The following SCFD2 variants were observed in gnomAD, a reference collection of about 807,000 sequenced individuals.
SCFD2 encodes the protein sec1 family domain-containing protein 2.
SCFD2 carries 54 observed loss-of-function variants against 58.9 expected under a neutral mutation model. The observed-to-expected ratio is 0.92, with a 90% CI of 0.74 to 1.15. SCFD2 has a LOEUF of 1.15. Among genes scored for constraint, SCFD2 ranks in the 50% most tolerant of loss-of-function variants. The probability of loss-of-function intolerance (pLI) is 0.00; values close to 1 mark genes in which losing one functional copy is unlikely to be tolerated. For synonymous variants in SCFD2, 321 were observed against 335.9 expected, an observed-to-expected ratio of 0.96 and a Z score of 0.49; for missense variants, 805 against 836.6, an observed-to-expected ratio of 0.96 and a Z score of 0.47.
At chr4:53,239,077 C>G (rs1211212344) in intron 4 of SCFD2, among the ~76,000 whole-genome samples, 15 of 149,672 alleles carry the variant, frequency 1.0e-4, no homozygotes, top group African/African-American at 3.7e-4. Context: ...CACCATTGAG[C>G]ACTGAGTGAA....
intron 5 of SCFD2, among the ~76,000 whole-genome samples, chr4:53,071,281 G>C (rs1296910503): frequency 6.6e-6 from 1 of 152,108 alleles, no homozygotes; most frequent in Non-Finnish European, 1.5e-5. Context: ...ATTAGAGAGG[G>C]AAATGAACTT....
At chr4:53,249,639 G>A (rs1474960454) in intron 4 of SCFD2, among the ~76,000 whole-genome samples, 4 of 152,160 alleles carry the variant, frequency 2.6e-5, no homozygotes, top group Non-Finnish European at 5.9e-5. Flanking sequence ...GAAGAGAGTG[G>A]GGGCCAATAA....
chr4:53,016,818 T>A (rs1273229289), intron 5 of SCFD2, among the ~76,000 whole-genome samples: 5 of 152,140 alleles, frequency 3.3e-5, no homozygotes, highest in Non-Finnish European at 5.9e-5. Flanking sequence ...TTAAAAATGA[T>A]CAAGATCTGG....
intron 4 of SCFD2, among the ~76,000 whole-genome samples, chr4:53,220,607 T>C (rs886527757): frequency 2.6e-5 from 4 of 152,182 alleles, no homozygotes; most frequent in Non-Finnish European, 5.9e-5. Context: ...AATGTACACA[T>C]ACACATAGAC....
intron 5 of SCFD2, among the ~76,000 whole-genome samples, chr4:52,921,391 T>A (rs1160492592): frequency 1.3e-5 from 2 of 152,328 alleles, no homozygotes; most frequent in East Asian, 1.9e-4. Flanking sequence ...ACAGGGGGAC[T>A]TAACAAGAAG....
At chr4:53,343,349 C>G (rs1034684807) in intron 2 of SCFD2, among the ~76,000 whole-genome samples, 2 of 152,080 alleles carry the variant, frequency 1.3e-5, no homozygotes, top group African/African-American at 2.4e-5. Context: ...ACTAGAAAAC[C>G]TAGAAGAAAT....
intron 3 of SCFD2, among the ~76,000 whole-genome samples, chr4:53,289,820 A>AC (rs1419414911): frequency 6.6e-6 from 1 of 152,192 alleles, no homozygotes; most frequent in Non-Finnish European, 1.5e-5. Context: ...AACAACAACA[A>AC]AAAAAGCAGG....
chr4:52,906,669 T>C (rs1036480509), intron 7 of SCFD2, among the ~76,000 whole-genome samples: 6 of 152,254 alleles, frequency 3.9e-5, no homozygotes, highest in East Asian at 3.9e-4. Flanking sequence ...GGTTTTGGAG[T>C]GGAACAGTTT....
intron 4 of SCFD2, among the ~76,000 whole-genome samples, chr4:53,168,617 T>C (rs767129779): frequency 2.6e-5 from 4 of 152,186 alleles, no homozygotes; most frequent in South Asian, 4.1e-4. Flanking sequence ...TTTTTTATTA[T>C]AGATTGATAT....
intron 5 of SCFD2, among the ~76,000 whole-genome samples, chr4:52,999,040 T>G (rs1367828019): frequency 6.6e-6 from 1 of 152,204 alleles, no homozygotes; most frequent in Admixed American, 6.5e-5. Flanking sequence ...CAGGGCATTT[T>G]GAATTAGCAA....
chr4:53,353,263 C>G (rs1734288954), intron 1 of SCFD2, among the ~76,000 whole-genome samples: 1 of 151,864 alleles, frequency 6.6e-6, no homozygotes, highest in South Asian at 2.1e-4. Flanking sequence ...TGGAGTTGTT[C>G]GTTCCTCTCC....
At chr4:52,989,014 G>A (rs1026317523) in intron 5 of SCFD2, among the ~76,000 whole-genome samples, 3 of 152,120 alleles carry the variant, frequency 2.0e-5, no homozygotes, top group African/African-American at 7.2e-5. Flanking sequence ...AATCCTGGGG[G>A]AAAAAAGTGG....
At chr4:53,140,358 G>A (rs1299919167) in intron 5 of SCFD2, among the ~76,000 whole-genome samples, 1 of 97,350 alleles carries the variant, frequency 1.0e-5, no homozygotes, top group African/African-American at 3.9e-5. Context: ...AAGAAAAATA[G>A]TATGAGTAAA....
chr4:52,984,029 G>A (rs547988403), intron 5 of SCFD2, among the ~76,000 whole-genome samples: 20 of 152,274 alleles, frequency 1.3e-4, no homozygotes, highest in Middle Eastern at 3.4e-3. Context: ...AGGGTTATTA[G>A]TTTACCACTT....
At chr4:53,306,696 C>G (rs1036808330) in intron 3 of SCFD2, among the ~76,000 whole-genome samples, 13 of 152,136 alleles carry the variant, frequency 8.5e-5, no homozygotes, top group African/African-American at 3.1e-4. Context: ...GATCCACACA[C>G]ACTTAACTAT....
At chr4:53,207,970 T>C (rs4339271) in intron 4 of SCFD2, among the ~76,000 whole-genome samples, 32,536 of 144,904 alleles carry the variant, frequency 0.22, 3,906 homozygotes, top group Non-Finnish European at 0.29. Flanking sequence ...TTTTTTTTTT[T>C]CCCCCCATAC....
At position 53,214,007 on chromosome 4, in the gene SCFD2, AG is replaced by A. The variant is rs539387845; in HGVS notation, c.1311+59818del. On this transcript the variant is annotated intron_variant, in intron 4 of 8. Coordinates refer to ENST00000401642, the MANE Select transcript of SCFD2 (RefSeq NM_152540.4). ...AACTCATCCTTTTTTATGGCTGCAT[AG>A]TATCCCATGGTGTGTATGTGCCACA... 7.4e-3 allele frequency among the ~76,000 whole-genome samples: 1,132 copies of A among 152,262 alleles called. 18 individuals are homozygous for A. Among genetic ancestry groups the A allele is most frequent in the African/African-American group, 0.026 (1,076 of 41,500 alleles).
intron 4 of SCFD2, among the ~76,000 whole-genome samples, chr4:53,235,231 T>C (rs1311284502): frequency 2.6e-5 from 4 of 152,216 alleles, no homozygotes; most frequent in Non-Finnish European, 5.9e-5. Flanking sequence ...GGGGTGGCCA[T>C]GTGCTATGCA....
At chr4:52,885,959 C>T (rs1718730677) in intron 7 of SCFD2, 93 bp from the exon 8 acceptor site, 9 of 1,484,520 alleles carry the variant, frequency 6.1e-6, no homozygotes, top group Non-Finnish European at 7.4e-6. Flanking sequence ...CTGTAGAAAC[C>T]TCAGGACTAC....
Sources: gnomAD v4.1 joint callset for allele counts (sites outside exome capture counted in the v4.1 genomes callset) on GRCh38, gnomAD v4.1.1 for gene constraint, MANE v1.5 for transcripts, NCBI Gene and HGNC (gene_info 2026-07-23, HGNC 2026-07-21) for gene names.